Variants in HDX observed in about 807,000 individuals in gnomAD.
HDX encodes the protein highly divergent homeobox.
A neutral mutation model predicts 45.2 loss-of-function variants in HDX; 19 were observed. That is an observed-to-expected ratio of 0.42 (90% CI 0.29 to 0.62). HDX has a LOEUF of 0.62. HDX is among the 20% of genes least tolerant of loss of function. The probability of loss-of-function intolerance (pLI) is 0.20; values close to 1 mark genes in which losing one functional copy is unlikely to be tolerated. For missense variants in HDX, 532 were observed against 493.9 expected, an observed-to-expected ratio of 1.08 and a Z score of -0.73; for synonymous variants, 188 against 172.8, an observed-to-expected ratio of 1.09 and a Z score of -0.69.
intron 5 of HDX, among the ~76,000 whole-genome samples, chrX:84,418,095 C>T (rs1380266513): frequency 2.7e-5 from 3 of 111,638 alleles, no homozygotes; most frequent in Admixed American, 9.5e-5. Flanking sequence ...CTAGGTTGAC[C>T]GGTGAAGGTC....
chrX:84,320,303 T>C lies in HDX; in HGVS notation c.*1586A>G, dbSNP rs1236874604. ...GCATATCTGAACACTGAAATATTCC[T>C]ACTAACAAAGGGACCATATCAGTAG... On this transcript the variant is annotated 3_prime_UTR_variant, in exon 11 of 11. Coordinates refer to ENST00000373177, the MANE Select transcript of HDX (RefSeq NM_001177479.2). 1 of 110,926 alleles carries C rather than the reference T, an allele frequency of 9.0e-6. No homozygotes were observed. The highest frequency in any genetic ancestry group is 3.3e-5 in the African/African-American group (1 of 30,640). The allele number at this position is 110,926 out of a possible 1,213,427, so 9.1% of individuals were successfully genotyped here.
At chrX:84,329,781 C>A (rs769916071) in intron 9 of HDX, among the ~76,000 whole-genome samples, 6 of 111,896 alleles carry the variant, frequency 5.4e-5, no homozygotes, top group Non-Finnish European at 1.1e-4. Context: ...CTCTGACCAT[C>A]ATTCCCTTAT....
At chrX:84,381,173 A>G (rs1488049396) in intron 5 of HDX, among the ~76,000 whole-genome samples, 1 of 111,409 alleles carries the variant, frequency 9.0e-6, no homozygotes, top group Non-Finnish European at 1.9e-5. Flanking sequence ...AATGAAAACT[A>G]CAAAACACTG....
At chrX:84,459,429 G>A (rs186813923) in intron 4 of HDX, among the ~76,000 whole-genome samples, 138 of 106,702 alleles carry the variant, frequency 1.3e-3, no homozygotes, top group African/African-American at 4.4e-3. Flanking sequence ...GCGACAGAGC[G>A]AGACTCGATC....
chrX:84,322,906 T>C (rs1298600768), intron 10 of HDX, among the ~76,000 whole-genome samples: 1 of 111,162 alleles, frequency 9.0e-6, no homozygotes, highest in Non-Finnish European at 1.9e-5. Context: ...ACTTGTAATG[T>C]GGGCTTTGGG....
chrX:84,442,579 A>G (rs1319364148), intron 4 of HDX, among the ~76,000 whole-genome samples: 1 of 111,565 alleles, frequency 9.0e-6, no homozygotes, highest in Non-Finnish European at 1.9e-5. Context: ...GATGAGCTGA[A>G]GGTGATAGGA....
At chrX:84,475,150 TA>T in intron 3 of HDX, 100 bp downstream of exon 3, 1 of 657,935 alleles carries the variant, frequency 1.5e-6, no homozygotes, top group Admixed American at 3.4e-5. Context: ...AAGCTGTTTA[TA>T]AAATTAGTGA....
intron 5 of HDX, among the ~76,000 whole-genome samples, chrX:84,385,137 T>C (rs2038279609): frequency 9.2e-6 from 1 of 108,112 alleles, no homozygotes; most frequent in African/African-American, 3.4e-5. Context: ...TTAATGATAT[T>C]GATTTTTCCA....
intron 2 of HDX, among the ~76,000 whole-genome samples, chrX:84,476,166 G>A (rs2040547067): frequency 9.0e-6 from 1 of 110,909 alleles, no homozygotes; most frequent in Non-Finnish European, 1.9e-5. Context: ...AATATTAAGG[G>A]TATACAACTC....
intron 9 of HDX, 128 bp downstream of exon 9, chrX:84,333,631 G>A: frequency 2.6e-6 from 1 of 381,434 alleles, no homozygotes; most frequent in Non-Finnish European, 4.7e-6. Context: ...TGATATTCAA[G>A]TAGCCAGAAA....
intron 5 of HDX, among the ~76,000 whole-genome samples, chrX:84,378,529 T>C (rs1172791096): frequency 2.7e-5 from 3 of 111,817 alleles, no homozygotes; most frequent in African/African-American, 9.7e-5. Flanking sequence ...GTGTAGAATA[T>C]ATATTAGTTT....
intron 4 of HDX, among the ~76,000 whole-genome samples, chrX:84,441,515 C>T (rs1246185886): frequency 1.8e-5 from 2 of 111,321 alleles, no homozygotes; most frequent in South Asian, 3.7e-4. Flanking sequence ...TTTTAATAAG[C>T]CCATTTGTTT....
At chrX:84,491,411 T>G (rs2040891159) in intron 1 of HDX, among the ~76,000 whole-genome samples, 1 of 112,115 alleles carries the variant, frequency 8.9e-6, no homozygotes, top group African/African-American at 3.2e-5. Context: ...TATTTTGTTC[T>G]AATCTTGCTT....
chrX:84,497,782 A>G (rs901446059), intron 1 of HDX, among the ~76,000 whole-genome samples: 4 of 110,515 alleles, frequency 3.6e-5, no homozygotes, highest in Non-Finnish European at 5.7e-5. Context: ...AACAATGAAG[A>G]TAGGCCTCAC....
At chrX:84,421,043 C>G (rs1403403751) in intron 5 of HDX, among the ~76,000 whole-genome samples, 1 of 111,682 alleles carries the variant, frequency 9.0e-6, no homozygotes, top group African/African-American at 3.3e-5. Flanking sequence ...TCAATCAAAA[C>G]AAAAGGCATA....
chrX:84,344,148 G>T, intron 7 of HDX, 102 bp downstream of exon 7: 1 of 603,347 alleles, frequency 1.7e-6, no homozygotes, highest in Non-Finnish European at 2.6e-6. Context: ...TTGGCCAAAT[G>T]TTTTGAAGAC....
chrX:84,417,910 C>T (rs899065762), intron 5 of HDX, among the ~76,000 whole-genome samples: 1 of 111,984 alleles, frequency 8.9e-6, no homozygotes, highest in Non-Finnish European at 1.9e-5. Context: ...AGCATTACTC[C>T]AATGTCCTCA....
intron 2 of HDX, 43 bp from the exon 3 acceptor site, chrX:84,475,440 T>G: frequency 1.1e-6 from 1 of 872,862 alleles, no homozygotes; most frequent in Non-Finnish European, 1.6e-6. Context: ...AATAAAAATT[T>G]GGTATGTGCA....
rs144315417 is a variant in HDX, at chrX:84,342,497, G to A, written c.1660+1753C>T. Among the ~76,000 whole-genome samples the A allele has an allele frequency of 4.8e-3, 502 of 104,385 alleles. 1 individual carries two copies. The highest frequency in any genetic ancestry group is 0.017 in the African/African-American group (484 of 28,492). 90.6% of individuals were successfully genotyped at this position (104,385 alleles called of 115,157 possible). A position where few individuals can be genotyped will look rare whatever the true frequency, so the allele number is the denominator to read the frequency against. ...CCCACATGTGTATATGTGTACGTCTGCATGTGTGTATATGTGTGTGCATGT... is the reference window on the plus strand; with the variant it reads ...CCCACATGTGTATATGTGTACGTCTACATGTGTGTATATGTGTGTGCATGT... On this transcript the variant is annotated intron_variant, in intron 7 of 10. Coordinates refer to ENST00000373177, the MANE Select transcript of HDX (RefSeq NM_001177479.2).
Sources: allele counts gnomAD v4.1 joint callset (sites outside exome capture counted in the v4.1 genomes callset), GRCh38; gene constraint gnomAD v4.1.1; transcripts MANE v1.5; gene names NCBI Gene and HGNC (gene_info 2026-07-23, HGNC 2026-07-21).